FAM13B: variants seen among roughly 807,000 people sequenced by gnomAD.
FAM13B encodes the protein family with sequence similarity 13 member B.
In FAM13B, 60 loss-of-function variants were observed where a neutral mutation model predicts 117.3. The ratio of observed to expected loss-of-function variants is 0.51; its 90% CI spans 0.42 to 0.63. The LOEUF (loss-of-function observed/expected upper bound fraction) is 0.63, where lower values mean the gene tolerates loss of function less well. Ranked by LOEUF, FAM13B falls within the 30% of genes least tolerant of loss-of-function variation. The pLI is 0.00. For missense variants in FAM13B, 972 were observed against 1,091.9 expected (o/e 0.89, Z 1.55); for synonymous variants, 332 against 356.1 (o/e 0.93, Z 0.76).
At position 137,968,542 on chromosome 5, in the gene FAM13B, A is replaced by G. The variant is rs148003083; in HGVS notation, c.1180-6073T>C. 9.8e-5 allele frequency among the ~76,000 whole-genome samples: 15 copies of G among 152,294 alleles called. No individual in the cohort carries two copies. The East Asian group carries it at 2.3e-3, about 24-fold the overall frequency. ...GCACCTAGTACTACAGTTTATGTAG[A>G]TCACATAAAGCTGTTTATGTGATCA... On this transcript the variant is annotated intron_variant, in intron 10 of 23. Transcript: ENST00000689681.
At chr5:138,003,529 G>C (rs1401237579) in intron 7 of FAM13B, among the ~76,000 whole-genome samples, 1 of 152,064 alleles carries the variant, frequency 6.6e-6, no homozygotes, top group Non-Finnish European at 1.5e-5. Context: ...ACTAAATCTA[G>C]AAGACCACAA....
chr5:137,947,592 T>A (rs1763786325), intron 18 of FAM13B, among the ~76,000 whole-genome samples: 1 of 152,122 alleles, frequency 6.6e-6, no homozygotes, highest in Non-Finnish European at 1.5e-5. Context: ...AATTTCTTTT[T>A]TTTTTTTGAG....
At chr5:138,006,580 G>T (rs1276147398) in intron 7 of FAM13B, among the ~76,000 whole-genome samples, 1 of 152,146 alleles carries the variant, frequency 6.6e-6, no homozygotes, top group African/African-American at 2.4e-5. Flanking sequence ...TACATGAAAA[G>T]AATTGGAAAG....
Position 137,953,460 on chromosome 5 carries a change from C to T in FAM13B, c.1724G>A (p.Arg575Gln), listed in dbSNP as rs750601993. The change falls in exon 16 of 24, where the codon CGA becomes CAA. Residue 575 changes from arginine to glutamine, a missense_variant. Arg to Gln is a conservative substitution (Grantham distance 43). Transcript: ENST00000689681. ...SSKALSFTRIRRSSFSSKDEK... is the reference protein window; with the variant it reads ...SSKALSFTRIQRSSFSSKDEK... ...ATCTTTTGAACTAAAGGATGATCTT[C>T]GAATTCTGAATTAAAACAAAAGGCC... 1.7e-5 allele frequency: 27 copies of T among 1,613,298 alleles called. No homozygotes were observed. The highest frequency in any genetic ancestry group is 5.3e-5 in the African/African-American group (4 of 74,890).
upstream of FAM13B, chr5:138,036,448 T>C: frequency 2.2e-6 from 1 of 456,676 alleles, no homozygotes; most frequent in South Asian, 1.5e-5. Context: ...GCCGCCAGCC[T>C]GTGGGAGTCA....
rs751278154 is a variant in FAM13B, at chr5:137,988,327, G to C, written c.849-12C>G. The C allele has an allele frequency of 1.3e-6, 2 of 1,554,638 alleles. No individual in the cohort carries two copies. The highest frequency in any genetic ancestry group is 2.4e-5 in the East Asian group (1 of 40,990). On this transcript the variant is annotated splice_polypyrimidine_tract_variant and intron_variant, in intron 7 of 23. Transcript: ENST00000689681. The stretch of plus-strand genomic sequence containing the variant: ...GAGATATATGGGTGCTGCAATCAAA[G>C]AAAGAAATTAGCTATAAAAATGTTC...
At chr5:138,027,644 G>A (rs1476199714) in intron 1 of FAM13B, among the ~76,000 whole-genome samples, 1 of 152,182 alleles carries the variant, frequency 6.6e-6, no homozygotes, top group Non-Finnish European at 1.5e-5. Flanking sequence ...CAGAAAAGCT[G>A]AACGAATGTC....
intron 7 of FAM13B, among the ~76,000 whole-genome samples, chr5:137,998,899 T>A (rs1458113791): frequency 6.6e-6 from 1 of 152,184 alleles, no homozygotes; most frequent in African/African-American, 2.4e-5. Flanking sequence ...GCTCACACAC[T>A]CTGTGCTCTG....
chr5:137,987,927 T>C (rs1268511182), intron 8 of FAM13B, among the ~76,000 whole-genome samples: 1 of 152,228 alleles, frequency 6.6e-6, no homozygotes, highest in African/African-American at 2.4e-5. Context: ...TTTTCAAAGC[T>C]ATACTTATAA....
chr5:138,018,404 C>T lies in FAM13B; in HGVS notation c.268G>A (p.Asp90Asn). Reference protein sequence around the residue: ...GEEVDLVKEADVPSAISLLRF... With the variant: ...GEEVDLVKEANVPSAISLLRF... ...AGAAGGCTAATAGCTGAGGGAACAT[C>T]TGCTTCCTTAACCAAATCCACCTCT... The change falls in exon 4 of 24, where the codon GAT (aspartate) becomes AAT (asparagine). Residue 90 changes from aspartate to asparagine, a missense_variant. Asp to Asn is a conservative substitution (Grantham distance 23, BLOSUM62 1). Transcript: ENST00000689681. 1 of 1,614,178 alleles carries T rather than the reference C, an allele frequency of 6.2e-7. No individual in the cohort carries two copies. Among genetic ancestry groups the T allele is most frequent in the Non-Finnish European group, 8.5e-7 (1 of 1,180,014 alleles).
intron 20 of FAM13B, among the ~76,000 whole-genome samples, chr5:137,945,391 A>G (rs1763157681): frequency 6.6e-6 from 1 of 152,222 alleles, no homozygotes; most frequent in African/African-American, 2.4e-5. Flanking sequence ...AATACCAATA[A>G]GCATTATTTT....
intron 7 of FAM13B, among the ~76,000 whole-genome samples, chr5:138,004,894 T>C (rs556339533): frequency 6.6e-6 from 1 of 151,982 alleles, no homozygotes; most frequent in Admixed American, 6.6e-5. Flanking sequence ...TAATAATAAA[T>C]ACACAGAAGG....
chr5:137,957,694 G>T (rs1358665291), intron 13 of FAM13B, among the ~76,000 whole-genome samples: 1 of 152,198 alleles, frequency 6.6e-6, no homozygotes, highest in African/African-American at 2.4e-5. Context: ...TCAGGTGTCT[G>T]TAACTGTCGG....
At chr5:137,946,468 G>A in intron 18 of FAM13B, 157 bp from the exon 19 acceptor site, 1 of 542,160 alleles carries the variant, frequency 1.8e-6, no homozygotes, top group South Asian at 3.2e-5. Flanking sequence ...TTTGCTTGCA[G>A]ATTTGCAGGC....
intron 10 of FAM13B, among the ~76,000 whole-genome samples, chr5:137,966,026 C>A (rs1260934815): frequency 1.3e-5 from 2 of 151,596 alleles, no homozygotes; most frequent in Non-Finnish European, 2.9e-5. Flanking sequence ...TATACCTATT[C>A]AAAATCTATA....
Position 137,974,453 on chromosome 5 carries a change from C to A in FAM13B, c.1179+10804G>T, listed in dbSNP as rs543229159. On this transcript the variant is annotated intron_variant, in intron 10 of 23. Coordinates refer to ENST00000689681, the MANE Select transcript of FAM13B (RefSeq NM_001385994.1). The stretch of plus-strand genomic sequence containing the variant: ...GAAGGGGAACATCACACTCTGGAGA[C>A]TGTTGTGGGGTGGGGGGAGGGGGGA... 2.3e-3 allele frequency among the ~76,000 whole-genome samples: 218 copies of A among 95,364 alleles called. 1 individual carries two copies. The highest frequency in any genetic ancestry group is 8.9e-3 in the African/African-American group (204 of 23,028). 62.6% of individuals were successfully genotyped at this position (95,364 alleles called of 152,430 possible).
intron 1 of FAM13B, among the ~76,000 whole-genome samples, chr5:138,028,619 CT>C (rs1196348147): frequency 1.3e-5 from 2 of 152,198 alleles, no homozygotes; most frequent in East Asian, 3.8e-4. Context: ...GCAGTGGCTC[CT>C]GCCTATAATC....
Position 137,943,012 on chromosome 5 carries a change from C to T in FAM13B, c.2451G>A (p.Leu817=), listed in dbSNP as rs758953174. The change falls in exon 22 of 24, where the codon CTG becomes CTA. Residue 817 remains leucine, a synonymous_variant. Coordinates refer to ENST00000689681, the MANE Select transcript of FAM13B (RefSeq NM_001385994.1). The part of the protein sequence containing the change: ...IKEEEEDGVN[L]SSELGDMLKT... ...TCAACATATCACCTAACTCAGAGGA[C>T]AGATTAACACCATCTTCTTCTTCCT... is the stretch of plus-strand genomic sequence containing the variant. 1.9e-6 allele frequency: 3 copies of T among 1,612,852 alleles called. No individual in the cohort carries two copies. The highest frequency in any genetic ancestry group is 2.2e-5 in the East Asian group (1 of 44,862).
chr5:137,953,324 C>T lies in FAM13B; in HGVS notation c.1848+12G>A, dbSNP rs1221653807. On this transcript the variant is annotated intron_variant, in intron 16 of 23. Transcript: ENST00000689681. ...TAGATTAAGCTCACTCTGGGGAATG[C>T]TACAAACCTACCTTGCTATTTCTTT... 13 of 1,613,314 alleles carry T rather than the reference C, an allele frequency of 8.1e-6. No homozygotes were observed. Among genetic ancestry groups the T allele is most frequent in the Non-Finnish European group, 1.0e-5 (12 of 1,179,594 alleles).
Sources: gnomAD v4.1 joint callset for allele counts (sites outside exome capture counted in the v4.1 genomes callset) on GRCh38, gnomAD v4.1.1 for gene constraint, MANE v1.5 for transcripts, NCBI Gene and HGNC (gene_info 2026-07-23, HGNC 2026-07-21) for gene names.